Variants in LRBA observed in about 807,000 individuals in gnomAD.
The protein encoded by LRBA is LPS responsive beige-like anchor protein, also known as lipopolysaccharide-responsive and beige-like anchor protein.
A neutral mutation model predicts 330.0 loss-of-function variants in LRBA; 176 were observed. That is an observed-to-expected ratio of 0.53 (90% confidence interval 0.47 to 0.60). The LOEUF (loss-of-function observed/expected upper bound fraction) is 0.60. LRBA is among the 20% of genes least tolerant of loss of function. The pLI is 0.00. For missense variants in LRBA, 3,259 were observed against 3,444.8 expected (o/e 0.95, Z 1.35); for synonymous variants, 1,230 against 1,193.0 (o/e 1.03, Z -0.64).
At chr4:150,319,998 C>T (rs1290215565) in intron 50 of LRBA, among the ~76,000 whole-genome samples, 1 of 152,156 alleles carries the variant, frequency 6.6e-6, no homozygotes, top group Non-Finnish European at 1.5e-5. Flanking sequence ...AATTTGCCTA[C>T]CTAAAACAAC....
At chr4:150,415,703 G>C in intron 46 of LRBA, 113 bp from the exon 47 acceptor site, 1 of 652,906 alleles carries the variant, frequency 1.5e-6, no homozygotes, top group Non-Finnish European at 2.5e-6. Flanking sequence ...TAAACACAGG[G>C]AATTTTTTTT....
chr4:150,528,384 T>C (rs1763697480), intron 40 of LRBA, among the ~76,000 whole-genome samples: 1 of 151,794 alleles, frequency 6.6e-6, no homozygotes, highest in Non-Finnish European at 1.5e-5. Context: ...GCCTGTAGTC[T>C]TAGCTACTCG....
chr4:150,955,885 C>G (rs931766756), intron 2 of LRBA, among the ~76,000 whole-genome samples: 2 of 148,432 alleles, frequency 1.3e-5, no homozygotes, highest in Non-Finnish European at 2.9e-5. Flanking sequence ...GAGAGAGACT[C>G]CATCTCAAAA....
At chr4:150,344,786 A>C (rs1736056169) in intron 48 of LRBA, among the ~76,000 whole-genome samples, 1 of 152,152 alleles carries the variant, frequency 6.6e-6, no homozygotes, top group Admixed American at 6.5e-5. Flanking sequence ...CCCAGCCTGA[A>C]GCCATTCTCT....
At chr4:150,972,217 T>C (rs893549944) in intron 2 of LRBA, among the ~76,000 whole-genome samples, 1 of 152,148 alleles carries the variant, frequency 6.6e-6, no homozygotes, top group Non-Finnish European at 1.5e-5. Flanking sequence ...TTTGTACATA[T>C]ATCCTAAAAA....
intron 36 of LRBA, among the ~76,000 whole-genome samples, chr4:150,697,336 A>G (rs896219356): frequency 2.1e-5 from 3 of 146,016 alleles, no homozygotes; most frequent in African/African-American, 7.8e-5. Flanking sequence ...AAAAAAAAAA[A>G]AAAAAAAAAA....
intron 37 of LRBA, among the ~76,000 whole-genome samples, chr4:150,644,963 T>C (rs1326240128): frequency 2.0e-5 from 3 of 151,752 alleles, no homozygotes; most frequent in Non-Finnish European, 4.4e-5. Flanking sequence ...ATATTGGAAT[T>C]TATCATGTTT....
intron 2 of LRBA, among the ~76,000 whole-genome samples, chr4:151,003,862 A>G (rs1037092187): frequency 3.3e-5 from 5 of 151,548 alleles, no homozygotes; most frequent in African/African-American, 7.3e-5. Context: ...CCAGAAATGA[A>G]TATGTGTATC....
chr4:150,315,518 T>C (rs748570699), intron 51 of LRBA, 43 bp downstream of exon 51: 4 of 1,518,170 alleles, frequency 2.6e-6, no homozygotes, highest in Non-Finnish European at 2.7e-6. Context: ...AGGGCCACCA[T>C]ACAGAGCTTA....
intron 34 of LRBA, among the ~76,000 whole-genome samples, chr4:150,772,611 G>C (rs1736732956): frequency 6.6e-6 from 1 of 152,194 alleles, no homozygotes. Flanking sequence ...GACAGGCCAA[G>C]AGTTGTTTCT....
At chr4:150,910,755 G>T (rs1731898833) in intron 9 of LRBA, among the ~76,000 whole-genome samples, 1 of 150,230 alleles carries the variant, frequency 6.7e-6, no homozygotes, top group South Asian at 2.1e-4. Flanking sequence ...GATTGCTTTA[G>T]GTAGTATGGA....
intron 42 of LRBA, among the ~76,000 whole-genome samples, chr4:150,480,072 A>G (rs939872808): frequency 1.3e-5 from 2 of 152,238 alleles, no homozygotes; most frequent in Admixed American, 6.5e-5. Flanking sequence ...ATATGTTTCA[A>G]TCAATAGAAA....
At position 150,915,730 on chromosome 4, in the gene LRBA, G is replaced by A. The variant is rs777613424; in HGVS notation, c.895-3C>T. 2 of 1,579,020 alleles carry A rather than the reference G, an allele frequency of 1.3e-6. No individual in the cohort carries two copies. Among genetic ancestry groups the A allele is most frequent in the South Asian group, 2.4e-5 (2 of 83,626 alleles). ...TGTACTATGGTAACCATATACCACT[G>A]CAGAAGCAAAAAACAGTTAAAAATA... On this transcript the variant is annotated splice_region_variant and splice_polypyrimidine_tract_variant and intron_variant, in intron 7 of 56. Coordinates refer to ENST00000651943, the MANE Select transcript of LRBA (RefSeq NM_001364905.1).
In LRBA at chr4:150,985,422, T is replaced by A. The variant is rs540534949; in HGVS notation, c.216+29005A>T. 6.6e-5 allele frequency among the ~76,000 whole-genome samples: 10 copies of A among 151,950 alleles called. No individual in the cohort carries two copies. The South Asian group carries it at 2.1e-3, about 31-fold the overall frequency. ...TGTAAATTGTACTGTAAAGTTTTTG[T>A]ATTTAGCATTTTAGCCAAGATAAAA... On this transcript the variant is annotated intron_variant, in intron 2 of 56. Transcript: ENST00000651943.
At chr4:150,806,495 T>C (rs1578845033) in intron 32 of LRBA, 91 bp from the exon 33 acceptor site, 20 of 694,560 alleles carry the variant, frequency 2.9e-5, no homozygotes, top group Non-Finnish European at 4.1e-5. Flanking sequence ...CATATATATA[T>C]ATAATTATTT....
chr4:150,827,760 C>A (rs1218027811), intron 30 of LRBA, among the ~76,000 whole-genome samples: 1 of 151,944 alleles, frequency 6.6e-6, no homozygotes, highest in Admixed American at 6.6e-5. Flanking sequence ...CCCCACCATG[C>A]CCAGCTAATT....
At chr4:150,882,656 A>T (rs1728528400) in intron 17 of LRBA, among the ~76,000 whole-genome samples, 2 of 152,230 alleles carry the variant, frequency 1.3e-5, no homozygotes, top group Admixed American at 6.5e-5. Flanking sequence ...AATGCAGAAA[A>T]TATAATTCAG....
intron 36 of LRBA, among the ~76,000 whole-genome samples, chr4:150,696,859 CA>C (rs1784661987): frequency 7.1e-6 from 1 of 140,820 alleles, no homozygotes; most frequent in Non-Finnish European, 1.6e-5. Flanking sequence ...AAAAAAAATA[CA>C]AAAATTAGCC....
At chr4:150,808,266 T>TA (rs1390880676) in intron 32 of LRBA, 54 bp downstream of exon 32, 7 of 1,172,682 alleles carry the variant, frequency 6.0e-6, no homozygotes, top group African/African-American at 4.6e-5. Flanking sequence ...CTAGATAGCT[T>TA]AAAAAGTCAT....
Sources: gnomAD v4.1 joint callset for allele counts (sites outside exome capture counted in the v4.1 genomes callset) on GRCh38, gnomAD v4.1.1 for gene constraint, MANE v1.5 for transcripts, NCBI Gene and HGNC (gene_info 2026-07-23, HGNC 2026-07-21) for gene names.